Variants in SYNE2 observed in about 807,000 individuals in gnomAD.
SYNE2 encodes nesprin-2.
In SYNE2, 431 loss-of-function variants were observed where a neutral mutation model predicts 856.3. The ratio of observed to expected loss-of-function variants is 0.50; its 90% confidence interval spans 0.47 to 0.55. SYNE2 has a LOEUF of 0.55. Ranked by LOEUF, SYNE2 falls within the 20% of genes least tolerant of loss-of-function variation. SYNE2 has a pLI of 0.00. For synonymous variants in SYNE2, 2,923 were observed against 2,872.3 expected (o/e 1.02, Z -0.56); for missense variants, 8,129 against 8,023.2 (o/e 1.01, Z -0.50).
At chr14:64,001,109 G>C (rs954823451) in intron 28 of SYNE2, among the ~76,000 whole-genome samples, 3 of 152,002 alleles carry the variant, frequency 2.0e-5, no homozygotes, top group African/African-American at 7.3e-5. Context: ...TGTATCCCCA[G>C]CATATATTCC....
intron 51 of SYNE2, among the ~76,000 whole-genome samples, 189 bp downstream of exon 51, chr14:64,065,839 A>T (rs533744594): frequency 6.6e-6 from 1 of 152,326 alleles, no homozygotes; most frequent in Admixed American, 6.5e-5. Context: ...ACTTATTCAG[A>T]TTATTTTATA....
chr14:64,085,700 A>T (rs1010513997), intron 57 of SYNE2, among the ~76,000 whole-genome samples: 1 of 152,202 alleles, frequency 6.6e-6, no homozygotes, highest in African/African-American at 2.4e-5. Flanking sequence ...TTTAAATTTT[A>T]GCCATTTTAG....
At chr14:64,098,660 T>G in intron 62 of SYNE2, 87 bp from the exon 63 acceptor site, 2 of 1,381,754 alleles carry the variant, frequency 1.4e-6, no homozygotes, top group South Asian at 2.4e-5. Context: ...AGTAAAAAAT[T>G]AGCTACATAA....
rs778595864 is a variant in SYNE2 at position 64,143,904 on chromosome 14, A to G, written c.15439A>G (p.Met5147Val). ...RTEFAEHLGE[M>V]NRQWHRVHGM... ...GGAGTTTGCAGAGCACCTGGGGGAG[A>G]TGAACCGCCAGTGGCACCGTGTACA... The change falls in exon 83 of 116, where the codon ATG (methionine) becomes GTG (valine). Residue 5147 changes from methionine to valine, a missense_variant. This residue lies in a region of SYNE2 where 5,410 missense variants were observed against 5,284.8 expected (regional missense o/e 1.02). Coordinates refer to ENST00000555002, the MANE Select transcript of SYNE2 (RefSeq NM_182914.3). 1.1e-5 allele frequency: 18 copies of G among 1,614,056 alleles called. No homozygotes were observed. In the Admixed American group the frequency reaches 2.8e-4, roughly 25 times the overall value.
At chr14:64,103,151 A>T (rs1483594951) in intron 64 of SYNE2, among the ~76,000 whole-genome samples, 1 of 152,174 alleles carries the variant, frequency 6.6e-6, no homozygotes, top group Non-Finnish European at 1.5e-5. Flanking sequence ...CTTAATGAGC[A>T]CCTGCTTGGT....
At chr14:63,833,603 G>T (rs1006780393) in intron 1 of SYNE2, among the ~76,000 whole-genome samples, 3 of 152,122 alleles carry the variant, frequency 2.0e-5, no homozygotes, top group African/African-American at 7.2e-5. Context: ...TTGAATCATT[G>T]TCTATGGATC....
At chr14:64,137,565 GT>G (rs1236565901) in intron 78 of SYNE2, among the ~76,000 whole-genome samples, 1 of 152,108 alleles carries the variant, frequency 6.6e-6, no homozygotes, top group Non-Finnish European at 1.5e-5. Context: ...AGTCTACAAA[GT>G]TGAATCTGTG....
chr14:64,159,078 C>CT lies in SYNE2; in HGVS notation c.15964-224dup, dbSNP rs113291922. Among the ~76,000 whole-genome samples, 366 of 145,570 alleles carry CT rather than the reference C, an allele frequency of 2.5e-3. 3 individuals carry two copies. Among genetic ancestry groups the CT allele is most frequent in the South Asian group, 0.012 (55 of 4,518 alleles). On this transcript the variant is annotated intron_variant, in intron 86 of 115. Coordinates refer to ENST00000555002, the MANE Select transcript of SYNE2 (RefSeq NM_182914.3). Reference sequence around the variant, plus strand: ...TTTAAGGTTTTGGTTTTTGAGTGGCCTTTTTTTTTTCAGTATGCCTAAGTG... The same window carrying CT: ...TTTAAGGTTTTGGTTTTTGAGTGGCCTTTTTTTTTTTCAGTATGCCTAAGTG...
At chr14:64,220,943 T>C (rs1335823365) in intron 111 of SYNE2, among the ~76,000 whole-genome samples, 2 of 152,122 alleles carry the variant, frequency 1.3e-5, no homozygotes, top group Admixed American at 1.3e-4. Context: ...GCCAGAGTGA[T>C]TAAGAGACCT....
intron 1 of SYNE2, among the ~76,000 whole-genome samples, chr14:63,799,189 CTG>C (rs1888037682): frequency 6.6e-6 from 1 of 152,178 alleles, no homozygotes; most frequent in Non-Finnish European, 1.5e-5. Context: ...AGCAATTCTT[CTG>C]TCTCAGCCTC....
chr14:63,794,431 C>T (rs1346904953), intron 1 of SYNE2, among the ~76,000 whole-genome samples: 2 of 152,070 alleles, frequency 1.3e-5, no homozygotes, highest in East Asian at 3.8e-4. Flanking sequence ...CTCAAATGAT[C>T]CTCCCGCCTT....
intron 1 of SYNE2, among the ~76,000 whole-genome samples, chr14:63,895,675 G>A (rs2095239149): frequency 6.7e-6 from 1 of 150,288 alleles, no homozygotes. Flanking sequence ...GGCTGAGGTG[G>A]GAGGATGGCT....
intron 57 of SYNE2, chr14:64,084,942 T>C (rs1346142706): frequency 1.4e-6 from 1 of 702,014 alleles, no homozygotes; most frequent in Non-Finnish European, 2.6e-6. Context: ...TTGACAGGCC[T>C]CAAAAGATCT....
At chr14:64,032,705 T>A (rs575104141) in intron 45 of SYNE2, among the ~76,000 whole-genome samples, 29 of 152,260 alleles carry the variant, frequency 1.9e-4, no homozygotes, top group Admixed American at 1.4e-3. Flanking sequence ...CCTGAGTAGC[T>A]GGGATTACAG....
chr14:64,001,962 C>T lies in SYNE2; in HGVS notation c.3667C>T (p.Leu1223Phe). 6.2e-7 allele frequency: 1 copy of T among 1,614,140 alleles called. No homozygotes were observed. The highest frequency in any genetic ancestry group is 1.3e-5 in the African/African-American group (1 of 75,030). The change falls in exon 29 of 116, where the codon CTT becomes TTT. Residue 1223 changes from leucine (L) to phenylalanine (F), a missense_variant. Around this residue, in one of 3 missense-constraint regions of SYNE2, gnomAD observed 2,422 missense variants for 2,357.4 expected, o/e 1.03. Coordinates refer to ENST00000555002, the MANE Select transcript of SYNE2 (RefSeq NM_182914.3). ...GGAATCTTTAGAGACAGCACTGCGGCTTGTGTTACCTGTAGAGAAGGCATC... is the reference window on the plus strand; with the variant it reads ...GGAATCTTTAGAGACAGCACTGCGGTTTGTGTTACCTGTAGAGAAGGCATC... Reference protein sequence around the residue: ...RMESLETALRLVLPVEKASLL... With the variant: ...RMESLETALRFVLPVEKASLL...
intron 2 of SYNE2, among the ~76,000 whole-genome samples, chr14:63,912,059 A>G (rs1204335093): frequency 1.3e-5 from 2 of 152,220 alleles, no homozygotes; most frequent in Non-Finnish European, 2.9e-5. Flanking sequence ...GAAAGCCAAT[A>G]CTATAATGTC....
At chr14:64,133,661 G>A (rs976205561) in intron 77 of SYNE2, among the ~76,000 whole-genome samples, 1 of 152,122 alleles carries the variant, frequency 6.6e-6, no homozygotes, top group African/African-American at 2.4e-5. Flanking sequence ...AGCAGGAGCA[G>A]CCTAATAGCT....
chr14:63,881,309 A>G (rs985023328), intron 1 of SYNE2, among the ~76,000 whole-genome samples: 2 of 152,000 alleles, frequency 1.3e-5, no homozygotes, highest in African/African-American at 4.8e-5. Flanking sequence ...TGAATTACCT[A>G]TGAAGCTATT....
At chr14:64,071,123 T>C (rs143932299) in intron 52 of SYNE2, among the ~76,000 whole-genome samples, 103 of 152,340 alleles carry the variant, frequency 6.8e-4, no homozygotes, top group African/African-American at 2.4e-3. Flanking sequence ...CCTTCCAATT[T>C]CCTTTTTTAT....
Sources: gnomAD v4.1 joint callset for allele counts (sites outside exome capture counted in the v4.1 genomes callset) on GRCh38, gnomAD v4.1.1 for gene constraint, gnomAD v4.1.1 regional missense constraint, MANE v1.5 for transcripts, NCBI Gene and HGNC (gene_info 2026-07-23, HGNC 2026-07-21) for gene names.